Variants in SLC35F4 observed in about 807,000 individuals in gnomAD.
The protein encoded by SLC35F4 is solute carrier family 35 member F4, also known as chromosome 14 open reading frame 36.
SLC35F4 carries 24 observed loss-of-function variants against 44.2 expected under a neutral mutation model. The observed-to-expected ratio is 0.54, with a 90% CI of 0.39 to 0.76. SLC35F4 has a LOEUF of 0.76. Among genes scored for constraint, SLC35F4 ranks in the 30% least tolerant of loss-of-function variants. The pLI is 0.00. For synonymous variants in SLC35F4, 238 were observed against 223.6 expected, an observed-to-expected ratio of 1.06 and a Z score of -0.57; for missense variants, 562 against 586.1, an observed-to-expected ratio of 0.96 and a Z score of 0.42.
chr14:57,654,339 A>G (rs35116816), intron 1 of SLC35F4, among the ~76,000 whole-genome samples: 95,893 of 151,958 alleles, frequency 0.63, 30,431 homozygotes, highest in South Asian at 0.71. Flanking sequence ...GAGAATATGC[A>G]ATATTTGGTT....
intron 1 of SLC35F4, among the ~76,000 whole-genome samples, chr14:57,933,095 C>T (rs1340112798): frequency 6.7e-6 from 1 of 150,042 alleles, no homozygotes; most frequent in African/African-American, 2.5e-5. Flanking sequence ...GACCTTGGCT[C>T]ACTGTAGCCT....
At chr14:57,823,870 C>A (rs1463376764) in intron 1 of SLC35F4, among the ~76,000 whole-genome samples, 4 of 151,860 alleles carry the variant, frequency 2.6e-5, no homozygotes, top group Non-Finnish European at 4.4e-5. Context: ...AAATAAGGCA[C>A]CCATAATCTC....
At chr14:57,946,538 G>A (rs1366920348) in intron 1 of SLC35F4, among the ~76,000 whole-genome samples, 12 of 134,970 alleles carry the variant, frequency 8.9e-5, no homozygotes, top group African/African-American at 3.1e-4. Flanking sequence ...GCAGTGGCAC[G>A]ATCTCCACTC....
chr14:57,619,356 T>C (rs1263334421), intron 1 of SLC35F4, among the ~76,000 whole-genome samples: 3 of 152,032 alleles, frequency 2.0e-5, no homozygotes, highest in Non-Finnish European at 4.4e-5. Flanking sequence ...CAGGCAGCAA[T>C]CTTTTCTGTT....
At chr14:57,574,840 TATCAGTCACACACATTTTCAGA>T (rs1164410501) in intron 4 of SLC35F4, among the ~76,000 whole-genome samples, 2 of 152,030 alleles carry the variant, frequency 1.3e-5, no homozygotes, top group African/African-American at 4.8e-5. Flanking sequence ...CCTAAGCACG[TATCAGTCACACACATTTTCAGA>T]ATCAATCAGT....
At chr14:57,803,125 C>A (rs2078231311) in intron 1 of SLC35F4, among the ~76,000 whole-genome samples, 1 of 152,070 alleles carries the variant, frequency 6.6e-6, no homozygotes, top group African/African-American at 2.4e-5. Context: ...TTGTCTTCAT[C>A]CCCAGGATTC....
intron 1 of SLC35F4, among the ~76,000 whole-genome samples, chr14:57,706,400 T>C (rs1414657056): frequency 1.3e-5 from 2 of 152,178 alleles, no homozygotes; most frequent in Non-Finnish European, 2.9e-5. Flanking sequence ...CTGTCATATA[T>C]TCACTTACTA....
chr14:57,820,804 A>G (rs1883097190), intron 1 of SLC35F4, among the ~76,000 whole-genome samples: 1 of 152,182 alleles, frequency 6.6e-6, no homozygotes, highest in South Asian at 2.1e-4. Flanking sequence ...AGACTTACAA[A>G]TTCCAATTGA....
chr14:57,856,904 C>G (rs1210539404), intron 1 of SLC35F4, among the ~76,000 whole-genome samples: 1 of 152,046 alleles, frequency 6.6e-6, no homozygotes. Context: ...CTAACAACTT[C>G]AAAAGAAGAA....
intron 1 of SLC35F4, among the ~76,000 whole-genome samples, chr14:57,786,354 G>A (rs1039284620): frequency 1.3e-5 from 2 of 152,110 alleles, no homozygotes; most frequent in Non-Finnish European, 2.9e-5. Context: ...GAAGACAAAG[G>A]GCATATAATC....
At chr14:57,842,366 G>T (rs1340832991) in intron 1 of SLC35F4, among the ~76,000 whole-genome samples, 1 of 152,144 alleles carries the variant, frequency 6.6e-6, no homozygotes, top group Non-Finnish European at 1.5e-5. Flanking sequence ...TGGAGTGCTG[G>T]AGATATTCTG....
intron 1 of SLC35F4, among the ~76,000 whole-genome samples, chr14:57,906,487 G>T (rs1889105821): frequency 6.6e-6 from 1 of 152,140 alleles, no homozygotes; most frequent in African/African-American, 2.4e-5. Context: ...CAGGACATTT[G>T]AATTGTTTCT....
chr14:57,856,569 T>C (rs1887117246), intron 1 of SLC35F4, among the ~76,000 whole-genome samples: 1 of 152,096 alleles, frequency 6.6e-6, no homozygotes, highest in East Asian at 1.9e-4. Context: ...GAATAAACTC[T>C]GTAAAAACTA....
At chr14:57,910,549 C>T (rs183121917) in intron 1 of SLC35F4, among the ~76,000 whole-genome samples, 77 of 152,030 alleles carry the variant, frequency 5.1e-4, no homozygotes, top group Admixed American at 1.3e-3. Flanking sequence ...TCTTTTGTTG[C>T]GAAGACTATC....
intron 1 of SLC35F4, among the ~76,000 whole-genome samples, chr14:57,684,488 A>T (rs531259746): frequency 2.0e-5 from 3 of 152,050 alleles, no homozygotes; most frequent in Admixed American, 6.5e-5. Flanking sequence ...TCGAGCTCCT[A>T]TGAGAATCTA....
intron 7 of SLC35F4, among the ~76,000 whole-genome samples, chr14:57,565,690 A>C (rs879944745): frequency 6.6e-6 from 1 of 152,146 alleles, no homozygotes; most frequent in Admixed American, 6.6e-5. Flanking sequence ...TTAATATTAA[A>C]TTATTCTGTA....
At chr14:57,952,124 C>T (rs556674801) in intron 1 of SLC35F4, among the ~76,000 whole-genome samples, 11 of 152,338 alleles carry the variant, frequency 7.2e-5, no homozygotes, top group African/African-American at 2.6e-4. Context: ...GCAGCCTTCG[C>T]TGGTGATACC....
intron 1 of SLC35F4, among the ~76,000 whole-genome samples, chr14:57,707,817 C>T (rs1322458883): frequency 2.6e-5 from 4 of 152,162 alleles, no homozygotes; most frequent in African/African-American, 9.7e-5. Context: ...GAAATTATGA[C>T]AGTGAAAGAA....
chr14:57,720,609 A>G (rs2076059479), intron 1 of SLC35F4, among the ~76,000 whole-genome samples: 1 of 152,080 alleles, frequency 6.6e-6, no homozygotes, highest in African/African-American at 2.4e-5. Flanking sequence ...GTGATGGCTA[A>G]TACTGAGTGT....
Sources: allele counts gnomAD v4.1 joint callset (sites outside exome capture counted in the v4.1 genomes callset), GRCh38; gene constraint gnomAD v4.1.1; transcripts MANE v1.5; gene names NCBI Gene and HGNC (gene_info 2026-07-23, HGNC 2026-07-21).